Variants in ADK observed in about 807,000 individuals in gnomAD.
ADK encodes the protein N6,N6-dimethyladenosine kinase.
In ADK, 24 loss-of-function variants were observed where a neutral mutation model predicts 44.7. That is an observed-to-expected ratio of 0.54 (90% CI 0.39 to 0.76). ADK has a LOEUF of 0.76. Ranked by LOEUF, ADK falls within the 30% of genes least tolerant of loss-of-function variation. The pLI is 0.00. For missense variants in ADK, 321 were observed against 425.1 expected (o/e 0.76, Z 2.15); for synonymous variants, 128 against 142.6 (o/e 0.90, Z 0.73).
chr10:74,475,759 A>C (rs1846811629), intron 6 of ADK, among the ~76,000 whole-genome samples: 1 of 150,878 alleles, frequency 6.6e-6, no homozygotes, highest in Admixed American at 6.6e-5. Context: ...GAGAAATAAA[A>C]GAAGAAAAGA....
intron 6 of ADK, among the ~76,000 whole-genome samples, chr10:74,487,286 G>T (rs190442905): frequency 1.8e-4 from 27 of 151,934 alleles, no homozygotes; most frequent in African/African-American, 6.5e-4. Context: ...TTTGTTAATC[G>T]TGTGTGGATT....
intron 10 of ADK, among the ~76,000 whole-genome samples, chr10:74,694,146 C>CTT (rs1266786094): frequency 1.7e-4 from 6 of 36,308 alleles, no homozygotes; most frequent in South Asian, 7.8e-4. Flanking sequence ...TTTTCAAACA[C>CTT]ATTTTTTTTT....
chr10:74,450,855 T>A (rs1845746133), intron 6 of ADK, among the ~76,000 whole-genome samples: 1 of 152,148 alleles, frequency 6.6e-6, no homozygotes, highest in Admixed American at 6.5e-5. Context: ...GATAAATGGC[T>A]TAAAGATTAA....
At chr10:74,385,624 T>G (rs1254480556) in intron 4 of ADK, among the ~76,000 whole-genome samples, 1 of 152,202 alleles carries the variant, frequency 6.6e-6, no homozygotes, top group Non-Finnish European at 1.5e-5. Context: ...ACACTAAAAA[T>G]TCTGCATTTT....
intron 10 of ADK, among the ~76,000 whole-genome samples, chr10:74,671,995 A>G (rs977803113): frequency 6.6e-6 from 1 of 152,228 alleles, no homozygotes; most frequent in East Asian, 1.9e-4. Flanking sequence ...GGGAGAGGCC[A>G]TTCTTAGGAT....
At chr10:74,405,823 T>C (rs551010781) in intron 6 of ADK, among the ~76,000 whole-genome samples, 1 of 152,340 alleles carries the variant, frequency 6.6e-6, no homozygotes, top group East Asian at 1.9e-4. Flanking sequence ...AAACAGCCAC[T>C]ATTTCCAAAT....
At chr10:74,345,143 G>A (rs1000006654) in intron 4 of ADK, among the ~76,000 whole-genome samples, 1 of 152,188 alleles carries the variant, frequency 6.6e-6, no homozygotes, top group Non-Finnish European at 1.5e-5. Flanking sequence ...ATATAGGTCT[G>A]TTCAAGTTAC....
intron 2 of ADK, among the ~76,000 whole-genome samples, chr10:74,209,922 T>C (rs896125984): frequency 6.6e-6 from 1 of 152,078 alleles, no homozygotes; most frequent in African/African-American, 2.4e-5. Flanking sequence ...GGAAGGAATG[T>C]GTAAGGTAGG....
intron 2 of ADK, among the ~76,000 whole-genome samples, chr10:74,224,157 T>C (rs1844432920): frequency 6.6e-6 from 1 of 152,176 alleles, no homozygotes; most frequent in Admixed American, 6.5e-5. Context: ...ACTTAGTACA[T>C]AGCCTGGTTC....
intron 1 of ADK, among the ~76,000 whole-genome samples, chr10:74,188,130 A>G (rs1236238075): frequency 6.6e-6 from 1 of 152,088 alleles, no homozygotes; most frequent in Non-Finnish European, 1.5e-5. Flanking sequence ...TTTTAAATGA[A>G]TTTATTCTCA....
intron 8 of ADK, among the ~76,000 whole-genome samples, chr10:74,592,361 T>TA (rs1361740483): frequency 6.6e-6 from 1 of 152,118 alleles, no homozygotes; most frequent in Non-Finnish European, 1.5e-5. Flanking sequence ...AGAACATAAA[T>TA]AAAAATAAGG....
At chr10:74,280,264 G>A (rs929646726) in intron 3 of ADK, among the ~76,000 whole-genome samples, 1 of 151,954 alleles carries the variant, frequency 6.6e-6, no homozygotes, top group Middle Eastern at 3.4e-3. Flanking sequence ...CACCATGCCC[G>A]GCTAATTTTT....
At chr10:74,372,765 G>A (rs962292849) in intron 4 of ADK, among the ~76,000 whole-genome samples, 1 of 152,026 alleles carries the variant, frequency 6.6e-6, no homozygotes, top group Admixed American at 6.6e-5. Context: ...TTTTAGGATG[G>A]CAGTTCTCCC....
At chr10:74,357,440 A>G (rs1357340425) in intron 4 of ADK, among the ~76,000 whole-genome samples, 1 of 147,566 alleles carries the variant, frequency 6.8e-6, no homozygotes, top group African/African-American at 2.5e-5. Flanking sequence ...TACTGAAGGC[A>G]CACCCCACCA....
At chr10:74,594,599 A>G (rs979897523) in intron 8 of ADK, among the ~76,000 whole-genome samples, 8 of 151,956 alleles carry the variant, frequency 5.3e-5, no homozygotes, top group Non-Finnish European at 8.8e-5. Context: ...TTCTCAGACT[A>G]GATAAAAAAA....
Position 74,225,660 on chromosome 10 carries a change from T to G in ADK, c.194+1069T>G, listed in dbSNP as rs566651226. On this transcript the variant is annotated intron_variant, in intron 3 of 10. Transcript: ENST00000539909. ...ACCAATGTTCAGGGAAAGGATTTTC[T>G]TATGCGTTCTTACCGTTTACACATT... is the stretch of plus-strand genomic sequence containing the variant. 2.0e-5 allele frequency among the ~76,000 whole-genome samples: 3 copies of G among 152,332 alleles called. No homozygotes were observed. The East Asian group carries it at 5.8e-4, about 29-fold the overall frequency.
At chr10:74,678,759 G>A (rs749058082) in intron 10 of ADK, among the ~76,000 whole-genome samples, 2 of 152,150 alleles carry the variant, frequency 1.3e-5, no homozygotes, top group African/African-American at 2.4e-5. Context: ...AATTTCTGAA[G>A]TTCATTTTCT....
intron 1 of ADK, among the ~76,000 whole-genome samples, chr10:74,194,844 C>T (rs1367574834): frequency 6.6e-6 from 1 of 152,150 alleles, no homozygotes; most frequent in Admixed American, 6.5e-5. Flanking sequence ...CAGTTAAAGG[C>T]AGTCATTGTT....
At chr10:74,679,644 T>C (rs903152665) in intron 10 of ADK, among the ~76,000 whole-genome samples, 2 of 151,972 alleles carry the variant, frequency 1.3e-5, no homozygotes, top group Non-Finnish European at 2.9e-5. Flanking sequence ...TTTTCTAATA[T>C]CTGGCCCACT....
Sources: gnomAD v4.1 joint callset for allele counts (sites outside exome capture counted in the v4.1 genomes callset) on GRCh38, gnomAD v4.1.1 for gene constraint, MANE v1.5 for transcripts, NCBI Gene and HGNC (gene_info 2026-07-23, HGNC 2026-07-21) for gene names.